EPHB2: variants seen among roughly 807,000 people sequenced by gnomAD.
EPHB2 encodes the protein EPH receptor B2, also known as ephrin type-B receptor 2.
In EPHB2, 18 loss-of-function variants were observed where a neutral mutation model predicts 96.4. The ratio of observed to expected loss-of-function variants is 0.19; its 90% CI spans 0.13 to 0.28. The LOEUF is 0.28. Among genes scored for constraint, EPHB2 ranks in the 10% least tolerant of loss-of-function variants. EPHB2 has a pLI of 1.00. For missense variants in EPHB2, 989 were observed against 1,355.4 expected (o/e 0.73, Z 4.25); for synonymous variants, 506 against 534.1 (o/e 0.95, Z 0.72).
intron 7 of EPHB2, among the ~76,000 whole-genome samples, chr1:22,893,724 T>C (rs889486651): frequency 3.3e-5 from 5 of 152,164 alleles, no homozygotes; most frequent in African/African-American, 1.2e-4. Flanking sequence ...CATTTATAAA[T>C]GGGGGTGATA....
chr1:22,894,117 C>T (rs61778245), intron 7 of EPHB2, among the ~76,000 whole-genome samples: 2 of 152,234 alleles, frequency 1.3e-5, no homozygotes, highest in African/African-American at 2.4e-5. Flanking sequence ...TTTTTCACCT[C>T]TCTAAGCCTT....
chr1:22,715,866 G>A (rs939161687), intron 1 of EPHB2, among the ~76,000 whole-genome samples: 4 of 152,334 alleles, frequency 2.6e-5, no homozygotes, highest in East Asian at 3.9e-4. Context: ...GGCGAGGAGC[G>A]CAGACTCCCT....
In EPHB2 at chr1:22,916,420, G is replaced by C. The variant is rs541779800; in HGVS notation, c.*2850G>C. 1 of 152,410 alleles carries C rather than the reference G, an allele frequency of 6.6e-6. No individual in the cohort carries two copies. Among genetic ancestry groups the C allele is most frequent in the East Asian group, 1.9e-4 (1 of 5,190 alleles). 9.4% of individuals were successfully genotyped at this position (152,410 alleles called of 1,614,324 possible). ...AGAGCACAGGTGCTACCAGACCTCTGTGTCTCCACTTCAGGGTAACAAACA... is the reference window on the plus strand; with the variant it reads ...AGAGCACAGGTGCTACCAGACCTCTCTGTCTCCACTTCAGGGTAACAAACA... On this transcript the variant is annotated 3_prime_UTR_variant, in exon 16 of 16. Transcript: ENST00000374630. This position sits in a 1 kb window ranked among gnomAD's most constrained non-coding sequence, Gnocchi z 4.2.
intron 1 of EPHB2, among the ~76,000 whole-genome samples, chr1:22,724,154 C>T (rs1322537721): frequency 6.6e-6 from 1 of 152,178 alleles, no homozygotes; most frequent in Non-Finnish European, 1.5e-5. Context: ...TAGCCTTCAC[C>T]TAGATTCAAC....
Position 22,784,530 on chromosome 1 carries a change from G to C in EPHB2, c.265G>C (p.Glu89Gln). Residue 89 changes from glutamate (E) to glutamine (Q), a missense_variant, in exon 3 of 16, where the codon GAG (glutamate) becomes CAG (glutamine). Physicochemically the swap from Glu to Gln is conservative, Grantham distance 29. Coordinates refer to ENST00000374630, the MANE Select transcript of EPHB2 (RefSeq NM_017449.5). This position sits in a 1 kb window ranked among gnomAD's most constrained non-coding sequence, Gnocchi z 5.1. ...CCGTGGCGCCCACCGCATCCACGTG[G>C]AGATGAAGTTTTCGGTGCGTGACTG... ...RRRGAHRIHV[E>Q]MKFSVRDCSS... 1 of 1,613,982 alleles carries C rather than the reference G, an allele frequency of 6.2e-7. No homozygotes were observed. The highest frequency in any genetic ancestry group is 8.5e-7 in the Non-Finnish European group (1 of 1,179,838).
chr1:22,880,521 C>T (rs1639003097), intron 5 of EPHB2, among the ~76,000 whole-genome samples: 2 of 152,212 alleles, frequency 1.3e-5, no homozygotes, highest in South Asian at 2.1e-4. Flanking sequence ...ACAAAAATCT[C>T]GGGCCCAGAG....
chr1:22,899,193 CAAAA>C (rs34967134), intron 9 of EPHB2, among the ~76,000 whole-genome samples: 4 of 115,136 alleles, frequency 3.5e-5, no homozygotes, highest in Admixed American at 9.2e-5. Context: ...AACGCCATCT[CAAAA>C]AAAAAAAAAA....
intron 1 of EPHB2, among the ~76,000 whole-genome samples, chr1:22,780,150 G>A (rs755439599): frequency 7.2e-5 from 11 of 152,166 alleles, no homozygotes; most frequent in African/African-American, 2.2e-4. Context: ...AAATTCATTC[G>A]GTGTATTGCA....
intron 9 of EPHB2, among the ~76,000 whole-genome samples, chr1:22,897,404 G>A (rs1212284548): frequency 6.6e-6 from 1 of 152,150 alleles, no homozygotes; most frequent in Non-Finnish European, 1.5e-5. Flanking sequence ...TGGGTACAGA[G>A]GCCCATCATC....
chr1:22,785,156 C>T (rs1311686202), intron 3 of EPHB2, 80 bp downstream of exon 3: 9 of 1,559,896 alleles, frequency 5.8e-6, no homozygotes, highest in Non-Finnish European at 6.1e-6. Context: ...CAGACTTGGG[C>T]CTGGCCTCTG....
Position 22,896,486 on chromosome 1 carries a change from C to T in EPHB2, c.1765+8C>T, listed in dbSNP as rs777508046. On this transcript the variant is annotated splice_region_variant and intron_variant, in intron 9 of 15. Transcript: ENST00000374630. The stretch of plus-strand genomic sequence containing the variant: ...ACTACACCAGTGGCCACAGTATGTA[C>T]ACACCCAAGCGGGCTGGAACCCTTG... 7 of 1,614,036 alleles carry T rather than the reference C, an allele frequency of 4.3e-6. No individual in the cohort carries two copies. The highest frequency in any genetic ancestry group is 5.9e-6 in the Non-Finnish European group (7 of 1,180,034).
Position 22,907,959 on chromosome 1 carries a change from G to A in EPHB2, c.2143G>A (p.Asp715Asn), listed in dbSNP as rs751896309. 4 of 1,614,236 alleles carry A rather than the reference G, an allele frequency of 2.5e-6. No homozygotes were observed. Among genetic ancestry groups the A allele is most frequent in the African/African-American group, 1.3e-5 (1 of 75,058 alleles). ...GSLDSFLRQN[D>N]GQFTVIQLVG... ...TTCCCCACTTCTCCCAAAGCAAAAC[G>A]ATGGGCAGTTCACAGTCATCCAGCT... Residue 715 changes from aspartate to asparagine, a missense_variant, in exon 12 of 16, where the codon GAT becomes AAT. Coordinates refer to ENST00000374630, the MANE Select transcript of EPHB2 (RefSeq NM_017449.5).
chr1:22,782,130 G>A (rs1202140812), intron 2 of EPHB2, among the ~76,000 whole-genome samples: 1 of 152,138 alleles, frequency 6.6e-6, no homozygotes, highest in Admixed American at 6.5e-5. Context: ...CTGAAAATGT[G>A]TCTTAGCTCT....
intron 1 of EPHB2, among the ~76,000 whole-genome samples, chr1:22,720,599 G>T (rs1263133046): frequency 7.1e-6 from 1 of 140,938 alleles, no homozygotes; most frequent in Non-Finnish European, 1.5e-5. Context: ...CCTCTCACAG[G>T]TAGTTTATCG....
chr1:22,857,280 A>G (rs1001419681), intron 3 of EPHB2, among the ~76,000 whole-genome samples: 2 of 152,140 alleles, frequency 1.3e-5, no homozygotes, highest in Admixed American at 1.3e-4. Context: ...CTCAACTGCC[A>G]GTTTAATAGC....
intron 1 of EPHB2, among the ~76,000 whole-genome samples, chr1:22,739,617 G>A (rs1643879964): frequency 6.6e-6 from 1 of 152,142 alleles, no homozygotes; most frequent in Admixed American, 6.5e-5. Context: ...CCCAGACCTA[G>A]CTCACCTGGA....
intron 3 of EPHB2, among the ~76,000 whole-genome samples, chr1:22,861,162 A>G (rs753107377): frequency 1.3e-5 from 2 of 152,228 alleles, no homozygotes; most frequent in Non-Finnish European, 2.9e-5. Context: ...TCTAGGAGGT[A>G]GATACTGTTG....
intron 3 of EPHB2, among the ~76,000 whole-genome samples, chr1:22,854,716 A>G (rs1228071891): frequency 6.6e-6 from 1 of 151,680 alleles, no homozygotes; most frequent in Non-Finnish European, 1.5e-5. Flanking sequence ...GGCACATCCT[A>G]GGCACACAGT....
intron 3 of EPHB2, among the ~76,000 whole-genome samples, chr1:22,804,060 C>G (rs747734567): frequency 6.6e-6 from 1 of 152,172 alleles, no homozygotes; most frequent in African/African-American, 2.4e-5. Context: ...TTGCCCACCC[C>G]GTCTTACAAG....
Sources: gnomAD v4.1 joint callset for allele counts (sites outside exome capture counted in the v4.1 genomes callset) on GRCh38, gnomAD v4.1.1 for gene constraint, Gnocchi (gnomAD v3.1) non-coding constraint, MANE v1.5 for transcripts, NCBI Gene and HGNC (gene_info 2026-07-23, HGNC 2026-07-21) for gene names.